Variants in MOB3B observed in about 807,000 individuals in gnomAD.
MOB3B encodes MOB kinase activator-like 2B.
MOB3B carries 7 observed loss-of-function variants against 18.7 expected under a neutral mutation model. That is an observed-to-expected ratio of 0.37 (90% CI 0.21 to 0.70). The LOEUF (loss-of-function observed/expected upper bound fraction) is 0.70, where lower values mean the gene tolerates loss of function less well. MOB3B is among the 30% of genes least tolerant of loss of function. MOB3B has a pLI of 0.52. For synonymous variants in MOB3B, 111 were observed against 99.9 expected, an observed-to-expected ratio of 1.11 and a Z score of -0.66; for missense variants, 253 against 281.3, an observed-to-expected ratio of 0.90 and a Z score of 0.72.
At chr9:27,356,981 G>T (rs145034853) in intron 3 of MOB3B, among the ~76,000 whole-genome samples, 2 of 150,852 alleles carry the variant, frequency 1.3e-5, no homozygotes, top group African/African-American at 4.9e-5. Context: ...GAGACAACTC[G>T]GTTCCTGCCC....
chr9:27,359,293 C>T (rs1821238403), intron 2 of MOB3B, 57 bp from the exon 3 acceptor site: 1 of 1,498,372 alleles, frequency 6.7e-7, no homozygotes, highest in Admixed American at 1.7e-5. Context: ...TCCTTTTCCT[C>T]TTTCCTCTAA....
chr9:27,455,773 C>T, intron 1 of MOB3B, 25 bp from the exon 2 acceptor site: 2 of 1,415,470 alleles, frequency 1.4e-6, no homozygotes, highest in Non-Finnish European at 1.8e-6. Flanking sequence ...GAAAAGGGAA[C>T]ACATGAGTGC....
chr9:27,503,448 GC>G (rs1270657236), intron 1 of MOB3B, among the ~76,000 whole-genome samples: 1 of 152,234 alleles, frequency 6.6e-6, no homozygotes, highest in East Asian at 1.9e-4. Context: ...GGCGGATCCA[GC>G]CCCAACTGGC....
At chr9:27,475,796 A>T (rs1372965203) in intron 1 of MOB3B, among the ~76,000 whole-genome samples, 1 of 152,168 alleles carries the variant, frequency 6.6e-6, no homozygotes, top group Non-Finnish European at 1.5e-5. Context: ...TTGCCAACAC[A>T]TCCCAAACTC....
At chr9:27,341,503 T>C (rs1331693130) in intron 3 of MOB3B, among the ~76,000 whole-genome samples, 3 of 152,238 alleles carry the variant, frequency 2.0e-5, no homozygotes, top group Non-Finnish European at 4.4e-5. Flanking sequence ...GCAGTCTCAC[T>C]CCTTTGGTAG....
chr9:27,459,876 CA>C (rs35792761), intron 1 of MOB3B, among the ~76,000 whole-genome samples: 24,682 of 86,676 alleles, frequency 0.28, 1,597 homozygotes, highest in African/African-American at 0.36. Context: ...TTTCAGTCTC[CA>C]AAAAAAAAAA....
rs543788797 is a variant in MOB3B at position 27,367,681 on chromosome 9, G to A, written c.419-8445C>T. Among the ~76,000 whole-genome samples, 210 of 152,336 alleles carry A rather than the reference G, an allele frequency of 1.4e-3. 1 individual carries two copies. The highest frequency in any genetic ancestry group is 2.2e-3 in the Non-Finnish European group (147 of 68,042). On this transcript the variant is annotated intron_variant, in intron 2 of 3. Coordinates refer to ENST00000262244, the MANE Select transcript of MOB3B (RefSeq NM_024761.5). ...GCAAATGGCAGCCGATGTTACCAACGCTAGGAAGACGGCTCTTCTGAATCA... is the reference window on the plus strand; with the variant it reads ...GCAAATGGCAGCCGATGTTACCAACACTAGGAAGACGGCTCTTCTGAATCA...
chr9:27,360,475 A>T (rs1009109992), intron 2 of MOB3B, among the ~76,000 whole-genome samples: 1 of 152,244 alleles, frequency 6.6e-6, no homozygotes, highest in African/African-American at 2.4e-5. Flanking sequence ...ACTGCACTCC[A>T]GCCTTGGCGA....
chr9:27,403,940 T>C (rs10119926), intron 2 of MOB3B, among the ~76,000 whole-genome samples: 20,085 of 152,196 alleles, frequency 0.13, 1,353 homozygotes, highest in African/African-American at 0.18. Context: ...GTTAAGAATA[T>C]TCAAATTCCA....
intron 1 of MOB3B, among the ~76,000 whole-genome samples, chr9:27,489,547 G>C (rs967588735): frequency 6.6e-6 from 1 of 152,064 alleles, no homozygotes; most frequent in African/African-American, 2.4e-5. Context: ...CTATGTTGCT[G>C]GTATACAATG....
intron 2 of MOB3B, among the ~76,000 whole-genome samples, chr9:27,435,559 A>G (rs992458062): frequency 2.0e-5 from 3 of 151,926 alleles, no homozygotes; most frequent in Non-Finnish European, 4.4e-5. Flanking sequence ...GCTTCCTATA[A>G]CCCTAGAATA....
intron 2 of MOB3B, among the ~76,000 whole-genome samples, chr9:27,448,966 C>A (rs1294495529): frequency 6.6e-6 from 1 of 152,198 alleles, no homozygotes; most frequent in Admixed American, 6.5e-5. Context: ...GACTAATAGG[C>A]TATCTCCCCA....
intron 1 of MOB3B, among the ~76,000 whole-genome samples, chr9:27,483,080 T>A (rs928821982): frequency 9.3e-5 from 14 of 150,360 alleles, no homozygotes. Flanking sequence ...GAGATAAACA[T>A]GACAATTACC....
At chr9:27,397,441 A>G (rs193096538) in intron 2 of MOB3B, 80 of 152,310 alleles carry the variant, frequency 5.3e-4, no homozygotes, top group African/African-American at 1.9e-3. Context: ...TAGGCTCTCC[A>G]CTGATTATTA....
Position 27,455,654 on chromosome 9 carries a change from G to C in MOB3B, c.-104C>G. On this transcript the variant is annotated 5_prime_UTR_variant, in exon 2 of 4. Coordinates refer to ENST00000262244, the MANE Select transcript of MOB3B (RefSeq NM_024761.5). ...CAGTGTTTTCCACTGCCAGCACTCAGGCCCCAGTCTTACAGCCTGTAGCTT... is the reference window on the plus strand; with the variant it reads ...CAGTGTTTTCCACTGCCAGCACTCACGCCCCAGTCTTACAGCCTGTAGCTT... The C allele has an allele frequency of 4.5e-6, 7 of 1,566,406 alleles. No homozygotes were observed. The South Asian group carries it at 6.1e-5, about 14-fold the overall frequency.
chr9:27,417,313 G>A (rs1822166474), intron 2 of MOB3B, among the ~76,000 whole-genome samples: 2 of 152,182 alleles, frequency 1.3e-5, no homozygotes, highest in South Asian at 2.1e-4. Context: ...GCAGTGAGCC[G>A]AGATTGCGTC....
At chr9:27,362,662 C>A (rs1821289906) in intron 2 of MOB3B, among the ~76,000 whole-genome samples, 1 of 152,140 alleles carries the variant, frequency 6.6e-6, no homozygotes, top group South Asian at 2.1e-4. Context: ...CAGGCCAACT[C>A]CAGACACTGC....
chr9:27,506,169 G>T (rs1298057885), intron 1 of MOB3B, among the ~76,000 whole-genome samples: 3 of 152,224 alleles, frequency 2.0e-5, no homozygotes, highest in African/African-American at 7.2e-5. Flanking sequence ...ACCACTGGAA[G>T]TCTTGGAGGA....
At chr9:27,415,956 C>A (rs939269195) in intron 2 of MOB3B, among the ~76,000 whole-genome samples, 1 of 152,158 alleles carries the variant, frequency 6.6e-6, no homozygotes, top group Admixed American at 6.5e-5. Context: ...ATTAGATTTG[C>A]TTTTCACATG....
Sources: allele counts gnomAD v4.1 joint callset (sites outside exome capture counted in the v4.1 genomes callset), GRCh38; gene constraint gnomAD v4.1.1; transcripts MANE v1.5; gene names NCBI Gene and HGNC (gene_info 2026-07-23, HGNC 2026-07-21).